BCL2L11: variants seen among roughly 807,000 people sequenced by gnomAD.
BCL2L11 encodes the protein BCL2 like 11.
In BCL2L11, 15 loss-of-function variants were observed where a neutral mutation model predicts 20.6. That is an observed-to-expected ratio of 0.73 (90% CI 0.49 to 1.12). BCL2L11 has a LOEUF of 1.12. Ranked by LOEUF, BCL2L11 falls within the 50% of genes most tolerant of loss-of-function variation. The pLI, the probability that BCL2L11 is intolerant of heterozygous loss-of-function variation, is 0.00. For missense variants in BCL2L11, 292 were observed against 260.9 expected, an observed-to-expected ratio of 1.12 and a Z score of -0.82; for synonymous variants, 108 against 92.8, an observed-to-expected ratio of 1.16 and a Z score of -0.94.
chr2:111,135,086 T>G (rs1451711986), intron 2 of BCL2L11, among the ~76,000 whole-genome samples: 1 of 151,278 alleles, frequency 6.6e-6, no homozygotes, highest in Non-Finnish European at 1.5e-5. Flanking sequence ...CTTTAAATAC[T>G]TTTCCAGTCC....
Position 111,143,768 on chromosome 2 carries a change from C to T in BCL2L11, c.395-6276C>T, listed in dbSNP as rs566054171. On this transcript the variant is annotated intron_variant, in intron 2 of 3. Coordinates refer to ENST00000393256, the MANE Select transcript of BCL2L11 (RefSeq NM_138621.5). ...GTCTGGGTTTGCTCCTGGCTTGTCC[C>T]CAGCTGCTAGTAAATATGTTAATAT... 2.0e-5 allele frequency among the ~76,000 whole-genome samples: 3 copies of T among 152,272 alleles called. No individual in the cohort carries two copies. The East Asian group carries it at 5.8e-4, about 29-fold the overall frequency.
At chr2:111,126,466 G>A (rs890046429) in intron 2 of BCL2L11, among the ~76,000 whole-genome samples, 2 of 152,150 alleles carry the variant, frequency 1.3e-5, no homozygotes, top group Admixed American at 1.3e-4. Context: ...TTTGTTTAAA[G>A]TTAATGTACC....
intron 2 of BCL2L11, among the ~76,000 whole-genome samples, chr2:111,138,561 T>C (rs2150380617): frequency 6.6e-6 from 1 of 152,336 alleles, no homozygotes; most frequent in Middle Eastern, 3.4e-3. Flanking sequence ...TTTGGTCCCA[T>C]CAGGACCATC....
At chr2:111,146,522 G>A (rs112768094) in intron 2 of BCL2L11, among the ~76,000 whole-genome samples, 102 of 152,256 alleles carry the variant, frequency 6.7e-4, no homozygotes, top group African/African-American at 2.3e-3. Flanking sequence ...CTCCAGGCAC[G>A]CTTTTGGAAG....
intron 2 of BCL2L11, chr2:111,128,929 T>C (rs985279551): frequency 9.1e-6 from 10 of 1,099,850 alleles, no homozygotes; most frequent in Non-Finnish European, 1.2e-5. Context: ...CTGTTTCATC[T>C]AAACAGGCTG....
At position 111,123,972 on chromosome 2, in the gene BCL2L11, G is replaced by T; in HGVS notation, c.227G>T (p.Arg76Ile). ...PPASPGPFAT[R>I]SPLFIFMRRS... The stretch of plus-strand genomic sequence containing the variant: ...GCCAGCCCTGGCCCTTTTGCTACCA[G>T]ATCCCCGCTTTTCATCTTTATGAGA... The change falls in exon 2 of 4, where the codon AGA becomes ATA. Residue 76 changes from arginine to isoleucine, a missense_variant. Physicochemically the swap from Arg to Ile is moderately conservative, Grantham distance 97. Transcript: ENST00000393256. 6.2e-7 allele frequency: 1 copy of T among 1,614,230 alleles called. No individual in the cohort carries two copies. The highest frequency in any genetic ancestry group is 1.7e-4 in the Middle Eastern group (1 of 6,060).
In BCL2L11 at chr2:111,164,304, T is replaced by G. The variant is rs2150612141; in HGVS notation, c.*73T>G. 2 of 1,121,822 alleles carry G rather than the reference T, an allele frequency of 1.8e-6. No individual in the cohort carries two copies. Among genetic ancestry groups the G allele is most frequent in the Non-Finnish European group, 2.7e-6 (2 of 732,348 alleles). 69.5% of individuals were successfully genotyped at this position (1,121,822 alleles called of 1,614,324 possible). On this transcript the variant is annotated 3_prime_UTR_variant, in exon 4 of 4. Coordinates refer to ENST00000393256, the MANE Select transcript of BCL2L11 (RefSeq NM_138621.5). ...AAACCAACAAGACCCAGCACCGCGG[T>G]CTCCTGGTGCCATTATTATGCAGCC...
intron 3 of BCL2L11, among the ~76,000 whole-genome samples, chr2:111,155,910 G>A (rs1003926764): frequency 6.6e-6 from 1 of 152,246 alleles, no homozygotes; most frequent in African/African-American, 2.4e-5. Context: ...ATGAGACAAA[G>A]TAGAGTTGAG....
intron 3 of BCL2L11, among the ~76,000 whole-genome samples, chr2:111,159,705 A>G (rs2150575272): frequency 6.6e-6 from 1 of 152,276 alleles, no homozygotes; most frequent in East Asian, 1.9e-4. Flanking sequence ...CCAAGTGTAA[A>G]TTGAAGATGC....
At chr2:111,132,839 A>G (rs2074203035) in intron 2 of BCL2L11, among the ~76,000 whole-genome samples, 1 of 152,194 alleles carries the variant, frequency 6.6e-6, no homozygotes, top group Non-Finnish European at 1.5e-5. Context: ...AACTGTGTAG[A>G]CAAGGTACCA....
intron 1 of BCL2L11, chr2:111,122,910 G>A: frequency 3.0e-6 from 3 of 985,462 alleles, no homozygotes; most frequent in Non-Finnish European, 2.4e-6. Flanking sequence ...GCGCTCTGAA[G>A]GGAAGGCGCG....
At position 111,123,223 on chromosome 2, in the gene BCL2L11, A is replaced by T. The variant is rs549021794; in HGVS notation, c.-13-510A>T. ...TTACAAACTCTATTGTGACGCACTT[A>T]CTACGACTGACGGCCGCTGCCAGAC... On this transcript the variant is annotated intron_variant, in intron 1 of 3. Coordinates refer to ENST00000393256, the MANE Select transcript of BCL2L11 (RefSeq NM_138621.5). 3.0e-6 allele frequency: 3 copies of T among 985,466 alleles called. No individual in the cohort carries two copies. The African/African-American group carries it at 5.2e-5, about 17-fold the overall frequency. The allele number at this position is 985,466 out of a possible 1,614,324, so 61.0% of individuals were successfully genotyped here.
chr2:111,123,035 C>T (rs2071507684), intron 1 of BCL2L11: 2 of 979,408 alleles, frequency 2.0e-6, no homozygotes. Context: ...TGCAGGCGTT[C>T]GCTTCGTCGC....
intron 3 of BCL2L11, among the ~76,000 whole-genome samples, chr2:111,160,575 C>T (rs1030589044): frequency 7.2e-5 from 11 of 152,178 alleles, no homozygotes; most frequent in Admixed American, 3.9e-4. Flanking sequence ...CTCCAGGTAA[C>T]CCAGTCCTCA....
At chr2:111,136,062 T>C (rs756954716) in intron 2 of BCL2L11, among the ~76,000 whole-genome samples, 1 of 152,160 alleles carries the variant, frequency 6.6e-6, no homozygotes, top group Non-Finnish European at 1.5e-5. Flanking sequence ...GGCCACGCGG[T>C]GCTGTGGGGC....
At chr2:111,157,261 A>T (rs1206048339) in intron 3 of BCL2L11, among the ~76,000 whole-genome samples, 1 of 151,904 alleles carries the variant, frequency 6.6e-6, no homozygotes, top group Non-Finnish European at 1.5e-5. Flanking sequence ...GGTTTTTTTT[A>T]AATCTCTTGA....
chr2:111,139,078 G>A (rs563558613), intron 2 of BCL2L11, among the ~76,000 whole-genome samples: 8 of 152,282 alleles, frequency 5.3e-5, no homozygotes, highest in Non-Finnish European at 8.8e-5. Flanking sequence ...ATCTGGAAAT[G>A]CTACTATAAT....
chr2:111,125,077 C>T (rs2072244185), intron 2 of BCL2L11, among the ~76,000 whole-genome samples: 1 of 152,186 alleles, frequency 6.6e-6, no homozygotes, highest in African/African-American at 2.4e-5. Context: ...AGAGTATTTG[C>T]CCCTTCTATG....
At chr2:111,141,264 C>G (rs953165440) in intron 2 of BCL2L11, among the ~76,000 whole-genome samples, 2 of 151,494 alleles carry the variant, frequency 1.3e-5, no homozygotes, top group Non-Finnish European at 2.9e-5. Flanking sequence ...GGAACCAACC[C>G]AAATGTCCAA....
Sources: allele counts gnomAD v4.1 joint callset (sites outside exome capture counted in the v4.1 genomes callset), GRCh38; gene constraint gnomAD v4.1.1; transcripts MANE v1.5; gene names NCBI Gene and HGNC (gene_info 2026-07-23, HGNC 2026-07-21).